ZNF385C: variants seen among roughly 807,000 people sequenced by gnomAD.
ZNF385C encodes the protein zinc finger protein 385C, also known as CTD-2132N18.2.
In ZNF385C, 28 loss-of-function variants were observed where a neutral mutation model predicts 35.4. That is an observed-to-expected ratio of 0.79 (90% confidence interval 0.59 to 1.08). The LOEUF (loss-of-function observed/expected upper bound fraction) is 1.08. ZNF385C is among the 50% of genes least tolerant of loss of function. ZNF385C has a pLI of 0.00. For synonymous variants in ZNF385C, 248 were observed against 248.2 expected, an observed-to-expected ratio of 1.00 and a Z score of 0.01; for missense variants, 605 against 595.6, an observed-to-expected ratio of 1.02 and a Z score of -0.16.
At chr17:42,034,651 G>A (rs2052802963) in intron 3 of ZNF385C, among the ~76,000 whole-genome samples, 1 of 151,898 alleles carries the variant, frequency 6.6e-6, no homozygotes, top group African/African-American at 2.4e-5. Context: ...AGGTGTGATG[G>A]CGCATGCCTG....
At chr17:42,037,647 C>T (rs887709270) in intron 3 of ZNF385C, 90 bp downstream of exon 3, 3 of 1,410,278 alleles carry the variant, frequency 2.1e-6, no homozygotes, top group Non-Finnish European at 2.8e-6. Context: ...TGGTTAGACC[C>T]AGCTGCTGAG....
intron 2 of ZNF385C, chr17:42,040,049 C>T (rs1323430358): frequency 5.7e-6 from 7 of 1,231,148 alleles, no homozygotes; most frequent in Non-Finnish European, 7.1e-6. Context: ...TTAAACAGCG[C>T]GAAGTCGCCC....
At chr17:42,091,876 G>C (rs1348839889) in intron 1 of ZNF385C, among the ~76,000 whole-genome samples, 16 of 152,200 alleles carry the variant, frequency 1.1e-4, no homozygotes, top group Admixed American at 1.0e-3. Context: ...CAGGGACCAG[G>C]AGTCTTGGTG....
intron 3 of ZNF385C, among the ~76,000 whole-genome samples, chr17:42,036,354 C>T (rs1428896281): frequency 6.6e-6 from 1 of 151,778 alleles, no homozygotes; most frequent in Non-Finnish European, 1.5e-5. Context: ...CTTTATGTTC[C>T]CTTTTCTCAG....
chr17:42,028,305 A>G, intron 6 of ZNF385C, 59 bp from the exon 7 acceptor site: 1 of 1,472,284 alleles, frequency 6.8e-7, no homozygotes, highest in Non-Finnish European at 9.0e-7. Flanking sequence ...GGCCACAGAG[A>G]CCCCCTCCAC....
At chr17:42,048,096 C>A (rs949346265) in intron 2 of ZNF385C, among the ~76,000 whole-genome samples, 5 of 152,114 alleles carry the variant, frequency 3.3e-5, no homozygotes, top group Admixed American at 1.3e-4. Flanking sequence ...TCTCCTCCCC[C>A]CCTTCCCAAC....
intron 1 of ZNF385C, among the ~76,000 whole-genome samples, chr17:42,072,523 G>T (rs1265334991): frequency 3.3e-5 from 5 of 152,078 alleles, no homozygotes; most frequent in African/African-American, 1.2e-4. Context: ...CGGGATGGGC[G>T]GCGGGGAGTG....
chr17:42,072,818 T>G (rs1245607695), intron 1 of ZNF385C, among the ~76,000 whole-genome samples: 1 of 152,152 alleles, frequency 6.6e-6, no homozygotes, highest in African/African-American at 2.4e-5. Context: ...GAGGCTCTCC[T>G]GGCTGAAGAG....
chr17:42,026,665 A>G lies in ZNF385C; in HGVS notation c.*232T>C. ...TTTGCATAGATCTTTGGGGTCTGTC[A>G]GGGTGGGAAATGCAGGCAAGCCTAG... On this transcript the variant is annotated 3_prime_UTR_variant, in exon 9 of 9. Coordinates refer to ENST00000692273, the MANE Select transcript of ZNF385C (RefSeq NM_001392013.1). 1 of 586,132 alleles carries G rather than the reference A, an allele frequency of 1.7e-6. No homozygotes were observed. The highest frequency in any genetic ancestry group is 2.0e-5 in the South Asian group (1 of 50,254). The allele number at this position is 586,132 out of a possible 1,614,324, so 36.3% of individuals were successfully genotyped here.
At position 42,095,296 on chromosome 17, in the gene ZNF385C, C is replaced by G. The variant is rs2053906282; in HGVS notation, c.-3+3114G>C. On this transcript the variant is annotated intron_variant, in intron 1 of 8. Transcript: ENST00000692273. This position sits in a 1 kb window ranked among gnomAD's most constrained non-coding sequence, Gnocchi z 4.4. ...AACACCAGCGTACCATTCATTCCCG[C>G]TGGGGATGACCCCCGCCGCCTGGCC... 6.6e-6 allele frequency among the ~76,000 whole-genome samples: 1 copy of G among 152,208 alleles called. No individual in the cohort carries two copies. The highest frequency in any genetic ancestry group is 1.5e-5 in the Non-Finnish European group (1 of 68,022).
chr17:42,047,722 C>T (rs1034084142), intron 2 of ZNF385C, among the ~76,000 whole-genome samples: 2 of 150,216 alleles, frequency 1.3e-5, no homozygotes, highest in African/African-American at 4.9e-5. Flanking sequence ...GGTGTGATCT[C>T]GGCTCACTGC....
At chr17:42,033,613 C>T (rs936925836) in intron 4 of ZNF385C, among the ~76,000 whole-genome samples, 4 of 152,164 alleles carry the variant, frequency 2.6e-5, no homozygotes, top group Admixed American at 2.0e-4. Context: ...ATTAGCCAGG[C>T]GTGGTAGCAC....
At chr17:42,048,438 G>A (rs1444450246) in intron 2 of ZNF385C, among the ~76,000 whole-genome samples, 3 of 151,812 alleles carry the variant, frequency 2.0e-5, no homozygotes, top group Non-Finnish European at 4.4e-5. Flanking sequence ...CCAGCTACTC[G>A]GGAAGCTGAG....
chr17:42,056,378 T>C (rs2053376384), intron 2 of ZNF385C, among the ~76,000 whole-genome samples: 1 of 152,212 alleles, frequency 6.6e-6, no homozygotes, highest in East Asian at 1.9e-4. Flanking sequence ...GCCATACTCC[T>C]CCCCATTCTC....
chr17:42,040,993 G>A, intron 2 of ZNF385C: 1 of 1,232,298 alleles, frequency 8.1e-7, no homozygotes, highest in Non-Finnish European at 1.0e-6. Context: ...GCCAGCAGTG[G>A]CCTCGCCCTC....
intron 1 of ZNF385C, among the ~76,000 whole-genome samples, chr17:42,076,724 C>T (rs1313665024): frequency 3.3e-5 from 5 of 152,214 alleles, no homozygotes; most frequent in Non-Finnish European, 5.9e-5. Flanking sequence ...ATTTGGACCC[C>T]ATTGGATGAC....
chr17:42,096,879 CCCAGAGAGGT>C (rs2053922794), intron 1 of ZNF385C, among the ~76,000 whole-genome samples: 1 of 151,240 alleles, frequency 6.6e-6, no homozygotes, highest in South Asian at 2.1e-4. Context: ...CCCTGGGCAG[CCCAGAGAGGT>C]CCAGAGATCC....
chr17:42,058,769 C>T (rs1400217461), intron 2 of ZNF385C, among the ~76,000 whole-genome samples: 2 of 152,214 alleles, frequency 1.3e-5, no homozygotes, highest in Admixed American at 6.5e-5. Context: ...GATTCTCTTG[C>T]TTCAGCCTCC....
intron 2 of ZNF385C, among the ~76,000 whole-genome samples, chr17:42,045,162 C>A (rs1264978730): frequency 6.6e-6 from 1 of 152,230 alleles, no homozygotes; most frequent in Non-Finnish European, 1.5e-5. Context: ...TGTGATCCGT[C>A]CGCCTCGGCC....
Sources: gnomAD v4.1 joint callset for allele counts (sites outside exome capture counted in the v4.1 genomes callset) on GRCh38, gnomAD v4.1.1 for gene constraint, Gnocchi (gnomAD v3.1) non-coding constraint, MANE v1.5 for transcripts, NCBI Gene and HGNC (gene_info 2026-07-23, HGNC 2026-07-21) for gene names.